The following PKN2 variants were observed in gnomAD, a reference collection of about 807,000 sequenced individuals.
The protein encoded by PKN2 is serine/threonine-protein kinase N2.
PKN2 carries 38 observed loss-of-function variants against 119.1 expected under a neutral mutation model. The ratio of observed to expected loss-of-function variants is 0.32; its 90% CI spans 0.25 to 0.42. The LOEUF (loss-of-function observed/expected upper bound fraction) is 0.42, where lower values mean the gene tolerates loss of function less well. Ranked by LOEUF, PKN2 falls within the 10% of genes least tolerant of loss-of-function variation. PKN2 has a pLI of 1.00. For synonymous variants in PKN2, 390 were observed against 384.9 expected, an observed-to-expected ratio of 1.01 and a Z score of -0.15; for missense variants, 850 against 1,165.1, an observed-to-expected ratio of 0.73 and a Z score of 3.94.
chr1:88,742,866 C>G (rs1255370707), intron 2 of PKN2, among the ~76,000 whole-genome samples: 1 of 152,066 alleles, frequency 6.6e-6, no homozygotes, highest in Non-Finnish European at 1.5e-5. Flanking sequence ...ACGAGGAGCC[C>G]ATTTGGTTTC....
intron 2 of PKN2, among the ~76,000 whole-genome samples, chr1:88,756,697 GAAAATT>G (rs1669218505): frequency 6.6e-6 from 1 of 152,104 alleles, no homozygotes; most frequent in African/African-American, 2.4e-5. Context: ...AGAAAAGAAA[GAAAATT>G]AAAATGTTCC....
At chr1:88,723,818 G>A (rs752885812) in intron 1 of PKN2, among the ~76,000 whole-genome samples, 4 of 152,156 alleles carry the variant, frequency 2.6e-5, no homozygotes, top group Non-Finnish European at 2.9e-5. Flanking sequence ...TAAAAGGCAT[G>A]TATTTGTCCA....
chr1:88,732,195 G>A (rs1322688632), intron 1 of PKN2, among the ~76,000 whole-genome samples: 2 of 152,046 alleles, frequency 1.3e-5, no homozygotes, highest in Non-Finnish European at 1.5e-5. Context: ...TTGAAATAAA[G>A]TTAATATTAC....
intron 8 of PKN2, among the ~76,000 whole-genome samples, chr1:88,800,969 G>A (rs141837548): frequency 1.2e-3 from 178 of 152,178 alleles, no homozygotes; most frequent in Non-Finnish European, 1.8e-3. Context: ...GTTTTACTCC[G>A]TCTAGAATAT....
At chr1:88,776,752 A>G (rs1434840403) in intron 6 of PKN2, among the ~76,000 whole-genome samples, 1 of 152,020 alleles carries the variant, frequency 6.6e-6, no homozygotes, top group East Asian at 1.9e-4. Context: ...GAAAAAAAAA[A>G]AAAGTCCTCC....
intron 3 of PKN2, among the ~76,000 whole-genome samples, chr1:88,767,879 C>A (rs1038093471): frequency 6.6e-6 from 1 of 152,060 alleles, no homozygotes; most frequent in Non-Finnish European, 1.5e-5. Context: ...TATTCAGTGT[C>A]ATATAGTGTG....
At position 88,792,854 on chromosome 1, in the gene PKN2, G is replaced by A. The variant is rs1331906399; in HGVS notation, c.1281+6641G>A. Among the ~76,000 whole-genome samples the A allele has an allele frequency of 7.9e-5, 12 of 152,054 alleles. No individual in the cohort carries two copies. In the South Asian group the frequency reaches 1.9e-3, roughly 24 times the overall value. On this transcript the variant is annotated intron_variant, in intron 8 of 21. Transcript: ENST00000370521. ...TGATTTTTCTCCCCTTCTTGGGAGCGCTTCCAGCATCACTAGTGGTACTTT... is the reference window on the plus strand; with the variant it reads ...TGATTTTTCTCCCCTTCTTGGGAGCACTTCCAGCATCACTAGTGGTACTTT...
At chr1:88,823,292 T>G (rs1672368621) in intron 17 of PKN2, among the ~76,000 whole-genome samples, 1 of 152,222 alleles carries the variant, frequency 6.6e-6, no homozygotes, top group African/African-American at 2.4e-5. Context: ...ACAATTAGTA[T>G]GGATGGATAG....
chr1:88,745,388 C>T (rs928027636), intron 2 of PKN2, among the ~76,000 whole-genome samples: 1 of 152,140 alleles, frequency 6.6e-6, no homozygotes, highest in African/African-American at 2.4e-5. Flanking sequence ...CACCATAAAG[C>T]TGTTAGGACT....
At chr1:88,700,488 T>C (rs1427138355) in intron 1 of PKN2, among the ~76,000 whole-genome samples, 3 of 152,192 alleles carry the variant, frequency 2.0e-5, no homozygotes, top group Non-Finnish European at 4.4e-5. Context: ...TATTTTAGAA[T>C]CCTTCTCCAT....
chr1:88,759,875 AC>A (rs1380047385), intron 2 of PKN2, among the ~76,000 whole-genome samples: 1 of 152,134 alleles, frequency 6.6e-6, no homozygotes, highest in Non-Finnish European at 1.5e-5. Flanking sequence ...TAGCCTACCA[AC>A]CAAAAAAGCC....
In PKN2 at chr1:88,828,570, G is replaced by A; in HGVS notation, c.2509G>A (p.Ala837Thr). The change falls in exon 19 of 22, where the codon GCT (alanine) becomes ACT (threonine). Residue 837 changes from alanine to threonine, a missense_variant. Coordinates refer to ENST00000370521, the MANE Select transcript of PKN2 (RefSeq NM_006256.4). Reference protein sequence around the residue: ...EVLTETSYTRAVDWWGLGVLI... With the variant: ...EVLTETSYTRTVDWWGLGVLI... ...ATTAACAGAAACTTCTTATACAAGG[G>A]CTGTAGATTGGTGGGGCCTTGGCGT... 1.2e-6 allele frequency: 2 copies of A among 1,613,466 alleles called. No homozygotes were observed. Among genetic ancestry groups the A allele is most frequent in the Non-Finnish European group, 1.7e-6 (2 of 1,179,488 alleles).
At chr1:88,757,746 G>T (rs927706139) in intron 2 of PKN2, among the ~76,000 whole-genome samples, 5 of 152,008 alleles carry the variant, frequency 3.3e-5, no homozygotes, top group Non-Finnish European at 4.4e-5. Context: ...TAGATTCAAG[G>T]TAAGTGTTCC....
intron 3 of PKN2, among the ~76,000 whole-genome samples, chr1:88,767,001 A>G (rs1020562890): frequency 5.3e-5 from 8 of 152,226 alleles, no homozygotes; most frequent in Non-Finnish European, 1.2e-4. Context: ...CAAAGAAGTA[A>G]AATGATGGAA....
intron 1 of PKN2, 92 bp downstream of exon 1, chr1:88,684,720 G>T: frequency 8.8e-7 from 1 of 1,133,794 alleles, no homozygotes; most frequent in Non-Finnish European, 1.2e-6. Context: ...CCCTGCGGCC[G>T]CCGCGCCCCT....
rs567507430 is a variant in PKN2 at position 88,703,937 on chromosome 1, A to G, written c.48+19309A>G. 2.0e-5 allele frequency among the ~76,000 whole-genome samples: 3 copies of G among 152,298 alleles called. No homozygotes were observed. The East Asian group carries it at 5.8e-4, about 29-fold the overall frequency. On this transcript the variant is annotated intron_variant, in intron 1 of 21. Transcript: ENST00000370521. ...AAAGGGAGGCTAATCCTGTATATAG[A>G]AAAAGAATAAGAGACTTAAAAAGGC... is the stretch of plus-strand genomic sequence containing the variant.
chr1:88,709,045 TATA>T lies in PKN2; in HGVS notation c.48+24426_48+24428del, dbSNP rs1371043741. ...AAAGCATTATTCTGGGGCCTGTTTA[TATA>T]ATAATAATCAATTTTTTTTTTTTGA... On this transcript the variant is annotated intron_variant, in intron 1 of 21. Transcript: ENST00000370521. 6.6e-5 allele frequency among the ~76,000 whole-genome samples: 10 copies of T among 152,060 alleles called. No individual in the cohort carries two copies. In the South Asian group the frequency reaches 1.9e-3, roughly 28 times the overall value.
chr1:88,753,909 C>A (rs943834976), intron 2 of PKN2, among the ~76,000 whole-genome samples: 2 of 152,158 alleles, frequency 1.3e-5, no homozygotes, highest in South Asian at 4.1e-4. Context: ...TGTCTTTTAA[C>A]ATAAAGTAGC....
intron 19 of PKN2, among the ~76,000 whole-genome samples, chr1:88,832,351 T>A (rs903131645): frequency 2.0e-5 from 3 of 152,118 alleles, no homozygotes; most frequent in African/African-American, 7.2e-5. Context: ...TATCTAAATA[T>A]TCCCTACTGT....
Sources: allele counts gnomAD v4.1 joint callset (sites outside exome capture counted in the v4.1 genomes callset), GRCh38; gene constraint gnomAD v4.1.1; transcripts MANE v1.5; gene names NCBI Gene and HGNC (gene_info 2026-07-23, HGNC 2026-07-21).